Variants in RRAS2 observed in about 807,000 individuals in gnomAD.
RRAS2 encodes the protein ras-related protein R-Ras2.
Under a neutral mutation model 27.6 loss-of-function variants are expected in RRAS2, and 7 were observed. The ratio of observed to expected loss-of-function variants is 0.25; its 90% CI spans 0.14 to 0.48. The LOEUF (loss-of-function observed/expected upper bound fraction) is 0.48. Among genes scored for constraint, RRAS2 ranks in the 20% least tolerant of loss-of-function variants. The pLI is 0.99. For missense variants in RRAS2, 178 were observed against 256.2 expected (o/e 0.69, Z 2.08); for synonymous variants, 86 against 90.9 (o/e 0.95, Z 0.31).
intron 1 of RRAS2, among the ~76,000 whole-genome samples, chr11:14,328,120 C>T (rs1554951303): frequency 6.6e-6 from 1 of 152,126 alleles, no homozygotes; most frequent in African/African-American, 2.4e-5. Context: ...ATAATTCTCG[C>T]ACTTTTGGAG....
intron 1 of RRAS2, among the ~76,000 whole-genome samples, chr11:14,321,135 G>A (rs1055062662): frequency 4.0e-5 from 6 of 151,706 alleles, no homozygotes; most frequent in African/African-American, 1.2e-4. Context: ...AGCCGAGATC[G>A]GCCAGTGCAC....
intron 1 of RRAS2, among the ~76,000 whole-genome samples, chr11:14,319,345 CTTT>C (rs1156654694): frequency 1.6e-4 from 15 of 91,530 alleles, no homozygotes; most frequent in African/African-American, 4.0e-4. Flanking sequence ...TTCCCTCTGT[CTTT>C]TTTTTTTTTT....
At chr11:14,331,992 A>G (rs1848489487) in intron 1 of RRAS2, among the ~76,000 whole-genome samples, 1 of 152,222 alleles carries the variant, frequency 6.6e-6, no homozygotes, top group Admixed American at 6.5e-5. Context: ...ACAATGAGAT[A>G]CCACAGCACA....
At chr11:14,364,353 G>A (rs1849226830) in intron 1 of RRAS2, 6 of 1,534,300 alleles carry the variant, frequency 3.9e-6, no homozygotes, top group Admixed American at 2.0e-5. Flanking sequence ...GTTGGCCAAA[G>A]AAGGCCAAGC....
At position 14,329,634 on chromosome 11, in the gene RRAS2, C is replaced by A. The variant is rs1459056389; in HGVS notation, c.108+29129G>T. Among the ~76,000 whole-genome samples the A allele has an allele frequency of 5.9e-5, 9 of 152,124 alleles. No individual in the cohort carries two copies. The East Asian group carries it at 1.3e-3, about 23-fold the overall frequency. ...CCTGCAGTAAACAGCAAAAACATAC[C>A]TTTTCTAATGTCTAAAACTTGCCAA... On this transcript the variant is annotated intron_variant, in intron 1 of 5. Coordinates refer to ENST00000256196, the MANE Select transcript of RRAS2 (RefSeq NM_012250.6).
intron 1 of RRAS2, among the ~76,000 whole-genome samples, chr11:14,329,605 G>C (rs895990988): frequency 1.3e-5 from 2 of 152,186 alleles, no homozygotes; most frequent in African/African-American, 4.8e-5. Context: ...ACCTGGATCT[G>C]ATTCCTGCAG....
chr11:14,341,978 T>C (rs1554953342), intron 1 of RRAS2: 1 of 464,484 alleles, frequency 2.2e-6, no homozygotes, highest in African/African-American at 2.0e-5. Context: ...TATGATAGTA[T>C]TCCTAAACTA....
chr11:14,312,248 G>C (rs1294038499), intron 1 of RRAS2, among the ~76,000 whole-genome samples: 1 of 152,140 alleles, frequency 6.6e-6, no homozygotes, highest in Non-Finnish European at 1.5e-5. Flanking sequence ...TCACAGCATA[G>C]CAAACAGCCA....
chr11:14,356,437 T>TTACTG (rs1564986313), intron 1 of RRAS2, among the ~76,000 whole-genome samples: 1 of 152,212 alleles, frequency 6.6e-6, no homozygotes, highest in South Asian at 2.1e-4. Flanking sequence ...TAAACACTGA[T>TTACTG]AACACCTACC....
chr11:14,299,570 T>C (rs1300248554), intron 1 of RRAS2, among the ~76,000 whole-genome samples: 2 of 152,200 alleles, frequency 1.3e-5, no homozygotes, highest in Admixed American at 1.3e-4. Context: ...GTTTGATCTG[T>C]GTTGTTCACC....
intron 4 of RRAS2, among the ~76,000 whole-genome samples, chr11:14,282,905 A>G (rs1461524101): frequency 2.0e-5 from 3 of 152,098 alleles, no homozygotes; most frequent in South Asian, 2.1e-4. Context: ...TTTGATGTGG[A>G]TATCTTTTAT....
Position 14,364,255 on chromosome 11 carries a change from AG to A in RRAS2, c.-124+135del, listed in dbSNP as rs2134053105. On this transcript the variant is annotated intron_variant, in intron 1 of 5. Coordinates refer to the RRAS2 transcript ENST00000529237. ...AGCATCCCTGGCCCATCCCAGAGAC[AG>A]GATCTGAGGGTAGAGTGGAGAGGGA... 6.1e-6 allele frequency: 5 copies of A among 815,762 alleles called. No individual in the cohort carries two copies. The South Asian group carries it at 7.6e-5, about 12-fold the overall frequency. 50.5% of individuals were successfully genotyped at this position (815,762 alleles called of 1,614,324 possible).
intron 1 of RRAS2, among the ~76,000 whole-genome samples, chr11:14,316,167 C>T (rs1848099331): frequency 6.6e-6 from 1 of 152,132 alleles, no homozygotes; most frequent in Non-Finnish European, 1.5e-5. Context: ...TCCTCATTTA[C>T]ATAATGGAAA....
intron 4 of RRAS2, among the ~76,000 whole-genome samples, chr11:14,287,717 C>T (rs1463944137): frequency 1.3e-5 from 2 of 151,830 alleles, no homozygotes; most frequent in Non-Finnish European, 2.9e-5. Flanking sequence ...CCTAAAAATA[C>T]AAAAAGTAGC....
intron 1 of RRAS2, among the ~76,000 whole-genome samples, chr11:14,323,457 C>CA (rs144401903): frequency 0.16 from 22,564 of 144,064 alleles, 1,854 homozygotes; most frequent in African/African-American, 0.21. Flanking sequence ...GACCCTGTCT[C>CA]AAAAAAAAAA....
chr11:14,342,894 AT>A (rs1848746240), intron 1 of RRAS2, among the ~76,000 whole-genome samples: 1 of 152,222 alleles, frequency 6.6e-6, no homozygotes, highest in Admixed American at 6.5e-5. Context: ...CACATAATTC[AT>A]TTTGGCACTA....
intron 1 of RRAS2, among the ~76,000 whole-genome samples, chr11:14,332,896 A>G (rs1483200329): frequency 3.9e-5 from 6 of 152,166 alleles, no homozygotes; most frequent in Admixed American, 1.3e-4. Context: ...AACAATATAA[A>G]CCAAAAAAAG....
intron 1 of RRAS2, among the ~76,000 whole-genome samples, chr11:14,340,482 A>T (rs1351002946): frequency 1.3e-5 from 2 of 152,122 alleles, no homozygotes; most frequent in Non-Finnish European, 2.9e-5. Flanking sequence ...GAATCCCTAC[A>T]TTAAGAACCA....
At chr11:14,291,323 T>C (rs1554945772) in intron 4 of RRAS2, among the ~76,000 whole-genome samples, 1 of 152,170 alleles carries the variant, frequency 6.6e-6, no homozygotes, top group African/African-American at 2.4e-5. Flanking sequence ...AGATTAGTGG[T>C]CATGACTTTA....
Sources: allele counts gnomAD v4.1 joint callset (sites outside exome capture counted in the v4.1 genomes callset), GRCh38; gene constraint gnomAD v4.1.1; transcripts MANE v1.5; gene names NCBI Gene and HGNC (gene_info 2026-07-23, HGNC 2026-07-21).